The following EHBP1 variants were observed in gnomAD, a reference collection of about 807,000 sequenced individuals.
The protein encoded by EHBP1 is EH domain-binding protein 1.
EHBP1 carries 55 observed loss-of-function variants against 144.0 expected under a neutral mutation model. That is an observed-to-expected ratio of 0.38 (90% CI 0.31 to 0.48). The LOEUF (loss-of-function observed/expected upper bound fraction) is 0.48. EHBP1 is among the 20% of genes least tolerant of loss of function. The probability of loss-of-function intolerance (pLI) is 0.98; values close to 1 mark genes in which losing one functional copy is unlikely to be tolerated. For missense variants in EHBP1, 1,200 were observed against 1,364.2 expected (o/e 0.88, Z 1.90); for synonymous variants, 469 against 472.7 (o/e 0.99, Z 0.10).
intron 2 of EHBP1, among the ~76,000 whole-genome samples, chr2:62,737,440 T>A (rs923572085): frequency 1.3e-5 from 2 of 151,986 alleles, no homozygotes; most frequent in Admixed American, 1.3e-4. Context: ...CAATTACAGT[T>A]CAGCTTTCCC....
chr2:62,940,180 C>A (rs915605938), intron 10 of EHBP1: 18 of 356,780 alleles, frequency 5.0e-5, no homozygotes, highest in Non-Finnish European at 2.8e-5. Context: ...AGAAGAGCAT[C>A]CGCAAGCAGT....
At chr2:62,701,141 A>C (rs2034269044), upstream of EHBP1, among the ~76,000 whole-genome samples, 1 of 152,172 alleles carries the variant, frequency 6.6e-6, no homozygotes, top group Non-Finnish European at 1.5e-5. Context: ...TGGGAAAGGA[A>C]GCTTTACTAT....
intron 2 of EHBP1, among the ~76,000 whole-genome samples, chr2:62,713,530 C>T (rs535978217): frequency 6.6e-6 from 1 of 152,218 alleles, no homozygotes; most frequent in South Asian, 2.1e-4. Flanking sequence ...AGGTCTGAGC[C>T]ACGGCACCTG....
intron 19 of EHBP1, among the ~76,000 whole-genome samples, chr2:63,033,355 T>G (rs1179029222): frequency 1.3e-5 from 2 of 152,198 alleles, no homozygotes; most frequent in Admixed American, 1.3e-4. Context: ...CTATATGTGA[T>G]TACTACTCAG....
intron 5 of EHBP1, among the ~76,000 whole-genome samples, chr2:62,801,419 C>T (rs1470700348): frequency 6.6e-6 from 1 of 152,206 alleles, no homozygotes; most frequent in Non-Finnish European, 1.5e-5. Flanking sequence ...GAGTATATTA[C>T]AGACATCATG....
At chr2:62,814,143 A>G (rs534905100) in intron 5 of EHBP1, among the ~76,000 whole-genome samples, 9 of 152,348 alleles carry the variant, frequency 5.9e-5, no homozygotes, top group African/African-American at 2.2e-4. Flanking sequence ...CCCCAGTGCA[A>G]CAGTGTTGAG....
intron 5 of EHBP1, among the ~76,000 whole-genome samples, chr2:62,807,198 A>G (rs999469415): frequency 6.6e-6 from 1 of 152,262 alleles, no homozygotes; most frequent in East Asian, 1.9e-4. Context: ...TACGTGATCT[A>G]TACAGTGTTG....
intron 10 of EHBP1, among the ~76,000 whole-genome samples, chr2:62,916,267 G>T (rs2054610928): frequency 6.6e-6 from 1 of 152,016 alleles, no homozygotes. Flanking sequence ...AGAAGCAAAA[G>T]ATAGACAAGA....
intron 20 of EHBP1, among the ~76,000 whole-genome samples, chr2:63,038,096 T>C (rs1417948418): frequency 6.6e-6 from 1 of 152,160 alleles, no homozygotes; most frequent in Non-Finnish European, 1.5e-5. Flanking sequence ...TTTGTGATTA[T>C]AAGAATTACA....
chr2:62,803,067 T>A (rs1223435740), intron 5 of EHBP1, among the ~76,000 whole-genome samples: 1 of 152,194 alleles, frequency 6.6e-6, no homozygotes, highest in African/African-American at 2.4e-5. Context: ...CTTGCTTTTC[T>A]TCCTTCACAG....
intron 19 of EHBP1, among the ~76,000 whole-genome samples, chr2:63,021,250 C>T (rs1174280225): frequency 6.6e-6 from 1 of 152,078 alleles, no homozygotes; most frequent in Non-Finnish European, 1.5e-5. Context: ...GTCTCTCCCC[C>T]AGCCCCCCAG....
intron 19 of EHBP1, among the ~76,000 whole-genome samples, chr2:63,024,489 C>T (rs1296105112): frequency 2.0e-5 from 3 of 151,518 alleles, no homozygotes; most frequent in African/African-American, 7.3e-5. Context: ...GTGGTCCCAG[C>T]TACTCAGGAG....
rs538440878 is a variant in EHBP1, at chr2:62,733,272, G to C, written c.105-14123G>C. On this transcript the variant is annotated intron_variant, in intron 2 of 22. Transcript: ENST00000431489. ...TGGGCTCTGTTTACTGTTTACCGCA[G>C]CTATAGCTATAGGTGTCAGAGGCTA... 7.2e-5 allele frequency among the ~76,000 whole-genome samples: 11 copies of C among 152,294 alleles called. No individual in the cohort carries two copies. In the South Asian group the frequency reaches 2.3e-3, roughly 32 times the overall value.
rs998433688 is a variant in EHBP1, at chr2:62,753,891, C to T, written c.162+6439C>T. On this transcript the variant is annotated intron_variant, in intron 3 of 22. Transcript: ENST00000431489. Reference sequence around the variant, plus strand: ...ACACTGGTTATTCTAGTTAGACATTCGTCTAATCTTTCTTCAAAGTTTTTA... The same window carrying T: ...ACACTGGTTATTCTAGTTAGACATTTGTCTAATCTTTCTTCAAAGTTTTTA... 3.3e-5 allele frequency among the ~76,000 whole-genome samples: 5 copies of T among 152,288 alleles called. No homozygotes were observed. The East Asian group carries it at 5.8e-4, about 18-fold the overall frequency.
At chr2:62,704,728 G>A (rs1173018396), upstream of EHBP1, among the ~76,000 whole-genome samples, 1 of 152,110 alleles carries the variant, frequency 6.6e-6, no homozygotes, top group Non-Finnish European at 1.5e-5. Flanking sequence ...CACACCAGGG[G>A]TCTGTGAACC....
intron 19 of EHBP1, among the ~76,000 whole-genome samples, chr2:63,019,562 C>T (rs1004498337): frequency 6.6e-5 from 10 of 151,504 alleles, no homozygotes; most frequent in African/African-American, 2.4e-4. Context: ...CAAAAATTAG[C>T]CGGGTGTGGT....
intron 2 of EHBP1, among the ~76,000 whole-genome samples, chr2:62,738,779 A>G (rs185861281): frequency 1.4e-4 from 22 of 152,336 alleles, no homozygotes; most frequent in Non-Finnish European, 2.9e-5. Context: ...ATAATGACAT[A>G]ATTTTCAGAA....
chr2:63,025,254 G>T (rs1266647872), intron 19 of EHBP1, among the ~76,000 whole-genome samples: 1 of 152,134 alleles, frequency 6.6e-6, no homozygotes, highest in Non-Finnish European at 1.5e-5. Flanking sequence ...GTGTCAACAG[G>T]TGTATTGTGA....
intron 5 of EHBP1, among the ~76,000 whole-genome samples, chr2:62,773,091 T>G (rs1474046123): frequency 6.6e-6 from 1 of 152,182 alleles, no homozygotes; most frequent in East Asian, 1.9e-4. Context: ...ATACTCTAAA[T>G]TAGGGCAACT....
Sources: gnomAD v4.1 joint callset for allele counts (sites outside exome capture counted in the v4.1 genomes callset) on GRCh38, gnomAD v4.1.1 for gene constraint, MANE v1.5 for transcripts, NCBI Gene and HGNC (gene_info 2026-07-23, HGNC 2026-07-21) for gene names.